SDK1: variants seen among roughly 807,000 people sequenced by gnomAD.
SDK1 encodes sidekick cell adhesion molecule 1.
In SDK1, 157 loss-of-function variants were observed where a neutral mutation model predicts 245.5. The observed-to-expected ratio is 0.64, with a 90% confidence interval of 0.56 to 0.73. The LOEUF (loss-of-function observed/expected upper bound fraction) is 0.73, where lower values mean the gene tolerates loss of function less well. SDK1 is among the 30% of genes least tolerant of loss of function. SDK1 has a pLI of 0.00. For synonymous variants in SDK1, 1,647 were observed against 1,278.5 expected (o/e 1.29, Z -6.15); for missense variants, 3,583 against 3,002.3 (o/e 1.19, Z -4.52).
chr7:3,690,310 A>T (rs923997040), intron 4 of SDK1, among the ~76,000 whole-genome samples: 2 of 151,574 alleles, frequency 1.3e-5, no homozygotes, highest in Non-Finnish European at 2.9e-5. Context: ...TATGATATTG[A>T]TTTTTTTTTA....
chr7:3,432,536 T>A (rs910746652), intron 1 of SDK1, among the ~76,000 whole-genome samples: 3 of 152,176 alleles, frequency 2.0e-5, no homozygotes, highest in Non-Finnish European at 4.4e-5. Flanking sequence ...TCATGTTGAA[T>A]TTAGGTAACT....
At chr7:3,321,548 T>C (rs1361393095) in intron 1 of SDK1, among the ~76,000 whole-genome samples, 1 of 152,204 alleles carries the variant, frequency 6.6e-6, no homozygotes, top group Non-Finnish European at 1.5e-5. Flanking sequence ...AAGTTGTGTT[T>C]TTTTCCCCAA....
intron 4 of SDK1, among the ~76,000 whole-genome samples, chr7:3,768,615 C>T (rs1166555398): frequency 6.6e-6 from 1 of 152,156 alleles, no homozygotes; most frequent in Non-Finnish European, 1.5e-5. Flanking sequence ...CACCAGCTGA[C>T]TGGAATAAAT....
chr7:4,088,526 C>A (rs903455392), intron 22 of SDK1, among the ~76,000 whole-genome samples: 2 of 150,158 alleles, frequency 1.3e-5, no homozygotes, highest in Admixed American at 6.6e-5. Flanking sequence ...TAAGATGATT[C>A]TTTTCTGATC....
intron 1 of SDK1, among the ~76,000 whole-genome samples, chr7:3,482,378 C>G (rs1303782317): frequency 6.6e-6 from 1 of 152,180 alleles, no homozygotes; most frequent in Non-Finnish European, 1.5e-5. Context: ...CCGGGAGTGT[C>G]TGCTTTGATG....
chr7:4,047,584 T>C (rs1583936387), intron 17 of SDK1, among the ~76,000 whole-genome samples: 1 of 152,256 alleles, frequency 6.6e-6, no homozygotes, highest in African/African-American at 2.4e-5. Flanking sequence ...CTCTGGATGC[T>C]GTGTGTCTGC....
At chr7:4,245,051 C>T (rs541435904) in intron 43 of SDK1, among the ~76,000 whole-genome samples, 4 of 152,264 alleles carry the variant, frequency 2.6e-5, no homozygotes, top group Admixed American at 1.3e-4. Context: ...TTAATGTAAC[C>T]GAGTCTTCAG....
intron 17 of SDK1, among the ~76,000 whole-genome samples, chr7:4,035,050 C>T (rs565258551): frequency 1.0e-3 from 152 of 152,324 alleles, no homozygotes; most frequent in Non-Finnish European, 1.9e-3. Flanking sequence ...ACAGTCTTGG[C>T]TCACCGCAAC....
chr7:3,375,106 A>G (rs1276623428), intron 1 of SDK1, among the ~76,000 whole-genome samples: 1 of 152,122 alleles, frequency 6.6e-6, no homozygotes, highest in Non-Finnish European at 1.5e-5. Flanking sequence ...ATTTTCCGAT[A>G]GTGTCTACCA....
At chr7:4,206,025 G>A (rs1349244168) in intron 36 of SDK1, 31 bp downstream of exon 36, 50 of 1,385,638 alleles carry the variant, frequency 3.6e-5, no homozygotes, top group Admixed American at 4.5e-5. Context: ...TGCCTCCCCT[G>A]GCTCGCTTGG....
chr7:4,113,804 T>A (rs1321430584), intron 24 of SDK1, among the ~76,000 whole-genome samples: 2 of 152,206 alleles, frequency 1.3e-5, no homozygotes, highest in African/African-American at 4.8e-5. Context: ...GCCCACAAAA[T>A]TAAGCCAAAA....
chr7:3,894,698 CTT>C (rs942252289), intron 5 of SDK1, among the ~76,000 whole-genome samples: 11 of 135,422 alleles, frequency 8.1e-5, no homozygotes, highest in Middle Eastern at 3.4e-3. Context: ...ACTATTTTTT[CTT>C]TTTTTTTTTT....
intron 5 of SDK1, among the ~76,000 whole-genome samples, chr7:3,894,444 G>C (rs979491419): frequency 1.3e-5 from 2 of 151,944 alleles, no homozygotes; most frequent in Admixed American, 6.6e-5. Flanking sequence ...CAGGCTCCGG[G>C]GGTGGTGGGG....
intron 2 of SDK1, among the ~76,000 whole-genome samples, chr7:3,631,659 A>G (rs1922016): frequency 0.25 from 37,453 of 152,166 alleles, 5,558 homozygotes; most frequent in Non-Finnish European, 0.33. Context: ...GGAACTCTGT[A>G]TGGTCATAAC....
chr7:3,618,771 T>G (rs549303028), intron 1 of SDK1, among the ~76,000 whole-genome samples: 1 of 152,370 alleles, frequency 6.6e-6, no homozygotes, highest in African/African-American at 2.4e-5. Flanking sequence ...AACCAAAAGC[T>G]TGTATGTACA....
intron 21 of SDK1, among the ~76,000 whole-genome samples, 177 bp from the exon 22 acceptor site, chr7:4,079,286 C>T (rs1780904575): frequency 6.6e-6 from 1 of 152,258 alleles, no homozygotes; most frequent in Admixed American, 6.5e-5. Context: ...AAACCATGCA[C>T]TGATCATGCC....
At chr7:3,444,098 C>A (rs539881308) in intron 1 of SDK1, among the ~76,000 whole-genome samples, 6 of 152,222 alleles carry the variant, frequency 3.9e-5, no homozygotes, top group Admixed American at 3.3e-4. Flanking sequence ...CTTTACCTTA[C>A]GTTGCTGTTT....
intron 5 of SDK1, among the ~76,000 whole-genome samples, chr7:3,899,030 C>G (rs1781694925): frequency 6.6e-6 from 1 of 152,182 alleles, no homozygotes; most frequent in Admixed American, 6.5e-5. Flanking sequence ...ATCGTATCAG[C>G]TCAATTTTAG....
At chr7:3,688,083 T>G (rs1250535067) in intron 4 of SDK1, among the ~76,000 whole-genome samples, 1 of 152,242 alleles carries the variant, frequency 6.6e-6, no homozygotes, top group Non-Finnish European at 1.5e-5. Flanking sequence ...GCCAGTGTAC[T>G]AAGAGCTGAG....
Sources: gnomAD v4.1 joint callset for allele counts (sites outside exome capture counted in the v4.1 genomes callset) on GRCh38, gnomAD v4.1.1 for gene constraint, MANE v1.5 for transcripts, NCBI Gene and HGNC (gene_info 2026-07-23, HGNC 2026-07-21) for gene names.